The following HAUS8 variants were observed in gnomAD, a reference collection of about 807,000 sequenced individuals.
HAUS8 encodes HAUS augmin-like complex subunit 8.
Under a neutral mutation model 42.9 loss-of-function variants are expected in HAUS8, and 38 were observed. The observed-to-expected ratio is 0.89, with a 90% CI of 0.68 to 1.16. The LOEUF (loss-of-function observed/expected upper bound fraction) is 1.16, where lower values mean the gene tolerates loss of function less well. Among genes scored for constraint, HAUS8 ranks in the 50% most tolerant of loss-of-function variants. HAUS8 has a pLI of 0.00. For synonymous variants in HAUS8, 199 were observed against 205.8 expected (o/e 0.97, Z 0.28); for missense variants, 494 against 511.6 (o/e 0.97, Z 0.33).
In HAUS8 at chr19:17,053,026, C is replaced by A. The variant is rs1003659667; in HGVS notation, c.788-60G>T. On this transcript the variant is annotated intron_variant, in intron 9 of 10. Transcript: ENST00000253669. ...CAAGGTGCCCCACGCAAGGCACACA[C>A]AAGTGGAGCGGCCGACAGACTTCTG... The A allele has an allele frequency of 1.6e-5, 26 of 1,603,006 alleles. No homozygotes were observed. In the African/African-American group the frequency reaches 2.8e-4, roughly 17 times the overall value.
chr19:17,052,998 T>C (rs1252073546), intron 9 of HAUS8, 32 bp from the exon 10 acceptor site: 2 of 1,613,868 alleles, frequency 1.2e-6, no homozygotes, highest in Non-Finnish European at 1.7e-6. Flanking sequence ...GGGCGATGGA[T>C]GGCAAGGTGC....
Position 17,059,560 on chromosome 19 carries a change from G to A in HAUS8, c.417C>T (p.Ser139=). The A allele has an allele frequency of 6.2e-7, 1 of 1,609,146 alleles. No individual in the cohort carries two copies. The highest frequency in any genetic ancestry group is 8.5e-7 in the Non-Finnish European group (1 of 1,175,750). ...CCCTCTTCTTTCAGACACTTACCGG[G>A]CTCTTTTTCCGAGGGGCAGAAAATG... ...STSFSAPRKK[S]PDLSEAMEMM... is the part of the protein sequence containing the mutation. Residue 139 remains serine, a synonymous_variant, in exon 6 of 11, where the codon AGC becomes AGT. Transcript: ENST00000253669.
At chr19:17,059,805 C>A (rs2057349257) in intron 5 of HAUS8, among the ~76,000 whole-genome samples, 154 bp from the exon 6 acceptor site, 1 of 152,070 alleles carries the variant, frequency 6.6e-6, no homozygotes, top group South Asian at 2.1e-4. Context: ...AGTTGTTCAA[C>A]TTTGCAAGGG....
chr19:17,055,706 C>A, intron 9 of HAUS8, 155 bp downstream of exon 9: 1 of 740,078 alleles, frequency 1.4e-6, no homozygotes, highest in Middle Eastern at 4.0e-4. Flanking sequence ...CAGGGCGAGA[C>A]CCTTGGAGGA....
intron 7 of HAUS8, 36 bp downstream of exon 7, chr19:17,058,773 TCC>T (rs1489249173): frequency 4.4e-6 from 7 of 1,608,736 alleles, no homozygotes; most frequent in African/African-American, 1.3e-5. Flanking sequence ...AGGCCACCCT[TCC>T]ATCCATGGCA....
chr19:17,071,781 G>A (rs1044429348), intron 2 of HAUS8, among the ~76,000 whole-genome samples: 1 of 152,144 alleles, frequency 6.6e-6, no homozygotes, highest in Non-Finnish European at 1.5e-5. Context: ...CGGATCACTT[G>A]AGGTCAGAAG....
intron 3 of HAUS8, among the ~76,000 whole-genome samples, chr19:17,063,852 C>T (rs1172864085): frequency 6.6e-6 from 1 of 152,192 alleles, no homozygotes; most frequent in African/African-American, 2.4e-5. Context: ...GGTCTCAGCC[C>T]TTCAGACTCA....
At chr19:17,067,981 C>T (rs763925402) in intron 3 of HAUS8, among the ~76,000 whole-genome samples, 6 of 151,954 alleles carry the variant, frequency 3.9e-5, no homozygotes, top group Non-Finnish European at 8.8e-5. Flanking sequence ...AATGGTTTCA[C>T]GATATTTCAT....
At position 17,060,104 on chromosome 19, in the gene HAUS8, AGAATCCCC is replaced by A; in HGVS notation, c.230-20_230-13del. On this transcript the variant is annotated splice_polypyrimidine_tract_variant and intron_variant, in intron 4 of 10. Coordinates refer to ENST00000253669, the MANE Select transcript of HAUS8 (RefSeq NM_033417.2). ...CCCACTGCTATCTGCTGTTAAGAAA[AGAATCCCC>A]GAAAGTCAGCACAGTCAAGAGACAC... is the stretch of plus-strand genomic sequence containing the variant. The A allele has an allele frequency of 6.3e-7, 1 of 1,585,092 alleles. No homozygotes were observed.
chr19:17,049,804 C>A lies in HAUS8; in HGVS notation c.*69G>T. 1 of 1,211,298 alleles carries A rather than the reference C, an allele frequency of 8.3e-7. No homozygotes were observed. The highest frequency in any genetic ancestry group is 2.9e-5 in the South Asian group (1 of 34,324). The allele number at this position is 1,211,298 out of a possible 1,614,324, so 75.0% of individuals were successfully genotyped here. On this transcript the variant is annotated 3_prime_UTR_variant, in exon 11 of 11. Coordinates refer to ENST00000253669, the MANE Select transcript of HAUS8 (RefSeq NM_033417.2). ...TTACTTTTTTATCAAACAAGATTAT[C>A]ACATAAAAAATAGCTACAGTGCTAC...
chr19:17,058,875 T>C lies in HAUS8; in HGVS notation c.422A>G (p.Asp141Gly), dbSNP rs1190219235. 1.9e-6 allele frequency: 3 copies of C among 1,610,534 alleles called. No homozygotes were observed. Among genetic ancestry groups the C allele is most frequent in the Non-Finnish European group, 2.5e-6 (3 of 1,178,868 alleles). The change falls in exon 7 of 11, where the codon GAT (aspartate) becomes GGT (glycine). Residue 141 changes from aspartate to glycine, a missense_variant and splice_region_variant. Physicochemically the swap from Asp to Gly is moderately conservative, Grantham distance 94. Coordinates refer to ENST00000253669, the MANE Select transcript of HAUS8 (RefSeq NM_033417.2). ...CATCATTTCCATTGCTTCAGATAAA[T>C]CCTTAAGAAAAGAAAAAGACCCTCT... ...SFSAPRKKSPDLSEAMEMMES... is the reference protein window; with the variant it reads ...SFSAPRKKSPGLSEAMEMMES...
At chr19:17,073,155 T>C (rs1381599922) in intron 2 of HAUS8, 119 bp downstream of exon 2, 3 of 861,548 alleles carry the variant, frequency 3.5e-6, no homozygotes, top group Non-Finnish European at 5.9e-6. Flanking sequence ...TCCCCACAGG[T>C]GTGACTACAA....
chr19:17,073,319 G>C lies in HAUS8; in HGVS notation c.46C>G (p.Pro16Ala). ...TTCTTGGCACTGCTAGAATTTGTGGGGCCGGTTGCAGGCTTCCTGCAAGAG... is the reference window on the plus strand; with the variant it reads ...TTCTTGGCACTGCTAGAATTTGTGGCGCCGGTTGCAGGCTTCCTGCAAGAG... Reference protein sequence around the residue: ...GRGAGKPATGPTNSSSAKKKD... With the variant: ...GRGAGKPATGATNSSSAKKKD... The change falls in exon 2 of 11, where the codon CCC (proline) becomes GCC (alanine). Residue 16 changes from proline (P) to alanine (A), a missense_variant. Coordinates refer to ENST00000253669, the MANE Select transcript of HAUS8 (RefSeq NM_033417.2). 6.2e-7 allele frequency: 1 copy of C among 1,614,004 alleles called. No individual in the cohort carries two copies. The highest frequency in any genetic ancestry group is 1.3e-5 in the African/African-American group (1 of 75,008).
chr19:17,057,391 A>C (rs373241666), intron 8 of HAUS8, among the ~76,000 whole-genome samples: 2 of 152,180 alleles, frequency 1.3e-5, no homozygotes, highest in South Asian at 2.1e-4. Context: ...GGGTGTCACT[A>C]TGTTGCCCAT....
chr19:17,072,818 T>C (rs1599995451), intron 2 of HAUS8, among the ~76,000 whole-genome samples: 1 of 151,476 alleles, frequency 6.6e-6, no homozygotes, highest in African/African-American at 2.4e-5. Context: ...CAGTGGGAAT[T>C]GAGAGTTTGA....
At position 17,050,109 on chromosome 19, in the gene HAUS8, C is replaced by A. The variant is rs149127982; in HGVS notation, c.997G>T (p.Val333Phe). Residue 333 changes from valine to phenylalanine, a missense_variant, in exon 11 of 11, where the codon GTC (valine) becomes TTC (phenylalanine). Val to Phe is a conservative substitution (Grantham distance 50). Transcript: ENST00000253669. ...SKEAALANQE[V>F]WEETQGMAPP... ...GCCATGCCCTGGGTCTCTTCCCAGA[C>A]TTCCTGGTTTGCCAAGGCTGCCTCT... 8.2e-6 allele frequency: 13 copies of A among 1,581,130 alleles called. No individual in the cohort carries two copies. Among genetic ancestry groups the A allele is most frequent in the Non-Finnish European group, 1.1e-5 (13 of 1,163,410 alleles).
At chr19:17,055,137 AAAAAAAATATATATATATATAT>A in intron 9 of HAUS8, 1 of 33,324 alleles carries the variant, frequency 3.0e-5, no homozygotes, top group Non-Finnish European at 5.1e-5. Context: ...AAAAAAAAAA[AAAAAAAATATATATATATATAT>A]ATATATATAT....
rs574405437 is a variant in HAUS8, at chr19:17,066,954, C to T, written c.147+2077G>A. Among the ~76,000 whole-genome samples, 15 of 152,248 alleles carry T rather than the reference C, an allele frequency of 9.9e-5. No individual in the cohort carries two copies. In the East Asian group the frequency reaches 1.4e-3, roughly 14 times the overall value. On this transcript the variant is annotated intron_variant, in intron 3 of 10. Transcript: ENST00000253669. ...GCATGGCGGCTCATGCCTGTAATCC[C>T]AGCATTTTGGGAGGCTGAGGCAGGT...
intron 3 of HAUS8, among the ~76,000 whole-genome samples, chr19:17,065,944 T>C (rs1280840518): frequency 1.4e-5 from 2 of 146,588 alleles, no homozygotes; most frequent in Non-Finnish European, 3.0e-5. Context: ...CTTCCCCCCA[T>C]ATCTCACTCT....
Sources: gnomAD v4.1 joint callset for allele counts (sites outside exome capture counted in the v4.1 genomes callset) on GRCh38, gnomAD v4.1.1 for gene constraint, MANE v1.5 for transcripts, NCBI Gene and HGNC (gene_info 2026-07-23, HGNC 2026-07-21) for gene names.